Variants in GRIK4 observed in about 807,000 individuals in gnomAD.
GRIK4 encodes the protein glutamate ionotropic receptor kainate type subunit 4, also known as glutamate receptor ionotropic, kainate 4.
In GRIK4, 40 loss-of-function variants were observed where a neutral mutation model predicts 104.9. The observed-to-expected ratio is 0.38, with a 90% CI of 0.30 to 0.50. GRIK4 has a LOEUF of 0.50. Ranked by LOEUF, GRIK4 falls within the 20% of genes least tolerant of loss-of-function variation. The pLI, the probability that GRIK4 is intolerant of heterozygous loss-of-function variation, is 0.93. For missense variants in GRIK4, 1,047 were observed against 1,308.1 expected (o/e 0.80, Z 3.08); for synonymous variants, 485 against 524.9 (o/e 0.92, Z 1.04).
chr11:120,771,718 A>G (rs1267561161), intron 3 of GRIK4, among the ~76,000 whole-genome samples: 1 of 152,218 alleles, frequency 6.6e-6, no homozygotes, highest in Non-Finnish European at 1.5e-5. Context: ...GACCCATAAG[A>G]CATTTCAGGG....
intron 3 of GRIK4, among the ~76,000 whole-genome samples, chr11:120,680,018 T>G: frequency 6.6e-6 from 1 of 152,208 alleles, no homozygotes. Flanking sequence ...CCAGCAGAAT[T>G]TTATTCACCA....
chr11:120,844,395 C>T (rs772224963), intron 8 of GRIK4, among the ~76,000 whole-genome samples: 2 of 152,218 alleles, frequency 1.3e-5, no homozygotes, highest in African/African-American at 2.4e-5. Flanking sequence ...CTACGCTAAC[C>T]TTTCCACCAG....
intron 3 of GRIK4, among the ~76,000 whole-genome samples, chr11:120,768,480 C>T (rs549909039): frequency 6.6e-6 from 1 of 152,098 alleles, no homozygotes; most frequent in South Asian, 2.1e-4. Context: ...CATATAGGAT[C>T]ATGTCGTCTG....
At chr11:120,868,273 TAAC>T (rs1351089490) in intron 9 of GRIK4, 4 of 151,786 alleles carry the variant, frequency 2.6e-5, no homozygotes, top group Non-Finnish European at 4.4e-5. Flanking sequence ...CAAAAGAAAA[TAAC>T]AATGAAGAAC....
intron 1 of GRIK4, among the ~76,000 whole-genome samples, chr11:120,636,697 G>A (rs545604170): frequency 3.9e-4 from 59 of 152,258 alleles, no homozygotes; most frequent in Admixed American, 8.5e-4. Context: ...AAAATTAGCC[G>A]GGTGTGGTGG....
At chr11:120,871,061 T>C (rs1954596992) in intron 9 of GRIK4, 1 of 154,898 alleles carries the variant, frequency 6.5e-6, no homozygotes, top group Non-Finnish European at 1.4e-5. Context: ...TGAGTTGTCT[T>C]CTAGAATTTC....
intron 13 of GRIK4, among the ~76,000 whole-genome samples, chr11:120,930,001 T>C (rs1943447619): frequency 1.9e-5 from 1 of 52,082 alleles, no homozygotes; most frequent in African/African-American, 4.3e-5. Flanking sequence ...CAGGCCACGT[T>C]TGGGGGGGGG....
At chr11:120,760,700 G>A (rs1411078928) in intron 3 of GRIK4, among the ~76,000 whole-genome samples, 2 of 152,040 alleles carry the variant, frequency 1.3e-5, no homozygotes, top group African/African-American at 4.8e-5. Context: ...GCAGTGTTTG[G>A]TTTTCTGTTC....
chr11:120,795,479 T>C (rs1271033665), intron 3 of GRIK4, among the ~76,000 whole-genome samples: 1 of 152,236 alleles, frequency 6.6e-6, no homozygotes, highest in Admixed American at 6.5e-5. Flanking sequence ...CCACGTCTAC[T>C]ACTGGCTGTA....
chr11:120,575,777 T>A (rs964985493), intron 1 of GRIK4: 3 of 152,036 alleles, frequency 2.0e-5, no homozygotes, highest in Non-Finnish European at 2.9e-5. Context: ...CCCCCTGGTG[T>A]TGGGGAGGGA....
chr11:120,763,284 G>T (rs1304620762), intron 3 of GRIK4, among the ~76,000 whole-genome samples: 1 of 152,006 alleles, frequency 6.6e-6, no homozygotes, highest in Non-Finnish European at 1.5e-5. Context: ...TGGGATCAGT[G>T]GTGATCCCCC....
At chr11:120,985,834 C>A in intron 20 of GRIK4, 70 bp from the exon 21 acceptor site, 2 of 1,415,132 alleles carry the variant, frequency 1.4e-6, no homozygotes, top group Non-Finnish European at 1.9e-6. Context: ...ATCCCTCATC[C>A]CAGCGGACTC....
At chr11:120,621,597 CTA>C (rs1220646112) in intron 1 of GRIK4, among the ~76,000 whole-genome samples, 15 of 152,264 alleles carry the variant, frequency 9.9e-5, no homozygotes, top group African/African-American at 3.4e-4. Flanking sequence ...TTATGAAAGA[CTA>C]TGGGAGTTGG....
intron 4 of GRIK4, among the ~76,000 whole-genome samples, chr11:120,809,425 G>A (rs1952782149): frequency 6.6e-6 from 1 of 152,162 alleles, no homozygotes; most frequent in Admixed American, 6.5e-5. Context: ...CCAGAGCTGA[G>A]ACCCTTTATA....
chr11:120,820,844 G>T (rs1953105234), intron 6 of GRIK4, among the ~76,000 whole-genome samples: 1 of 152,184 alleles, frequency 6.6e-6, no homozygotes. Context: ...TCTATTAAGA[G>T]TCAGAACCAC....
chr11:120,721,303 C>G (rs1950930348), intron 3 of GRIK4, among the ~76,000 whole-genome samples: 2 of 152,110 alleles, frequency 1.3e-5, no homozygotes, highest in African/African-American at 4.8e-5. Flanking sequence ...GGCAAGCAGA[C>G]ATGATTGATG....
At chr11:120,714,443 G>A (rs1390945336) in intron 3 of GRIK4, among the ~76,000 whole-genome samples, 2 of 152,168 alleles carry the variant, frequency 1.3e-5, no homozygotes, top group African/African-American at 4.8e-5. Flanking sequence ...TGTGTGCCAG[G>A]CACTGAGCCA....
intron 3 of GRIK4, among the ~76,000 whole-genome samples, chr11:120,676,343 T>C (rs4628679): frequency 0.16 from 23,694 of 152,182 alleles, 2,005 homozygotes; most frequent in South Asian, 0.23. Context: ...TTTGCAAAGC[T>C]CCTTTTGCCA....
At chr11:120,531,395 A>G (rs1421297424) in intron 1 of GRIK4, among the ~76,000 whole-genome samples, 2 of 152,132 alleles carry the variant, frequency 1.3e-5, no homozygotes, top group African/African-American at 4.8e-5. Context: ...AGCGCTGCCC[A>G]AATAATCATT....
Sources: gnomAD v4.1 joint callset for allele counts (sites outside exome capture counted in the v4.1 genomes callset) on GRCh38, gnomAD v4.1.1 for gene constraint, MANE v1.5 for transcripts, NCBI Gene and HGNC (gene_info 2026-07-23, HGNC 2026-07-21) for gene names.